ANP32B: variants seen among roughly 807,000 people sequenced by gnomAD.
ANP32B encodes the protein acidic nuclear phosphoprotein 32 family member B, also known as acidic leucine-rich nuclear phosphoprotein 32 family member B.
Under a neutral mutation model 32.2 loss-of-function variants are expected in ANP32B, and 6 were observed. That is an observed-to-expected ratio of 0.19 (90% confidence interval 0.10 to 0.37). The LOEUF (loss-of-function observed/expected upper bound fraction) is 0.37. Ranked by LOEUF, ANP32B falls within the 10% of genes least tolerant of loss-of-function variation. ANP32B has a pLI of 1.00. For synonymous variants in ANP32B, 98 were observed against 105.8 expected (o/e 0.93, Z 0.45); for missense variants, 204 against 289.2 (o/e 0.71, Z 2.14).
intron 1 of ANP32B, among the ~76,000 whole-genome samples, chr9:97,984,000 G>A (rs1475725891): frequency 1.3e-5 from 2 of 150,524 alleles, no homozygotes; most frequent in African/African-American, 2.4e-5. Flanking sequence ...GGCCTGCCGA[G>A]GAGCTGCGCG....
At chr9:98,013,855 CA>C (rs879719430) in intron 6 of ANP32B, among the ~76,000 whole-genome samples, 216 of 140,550 alleles carry the variant, frequency 1.5e-3, no homozygotes, top group South Asian at 4.2e-3. Context: ...GACTCTGTCT[CA>C]AAAAAAAAAA....
At chr9:97,984,310 C>T (rs996268460) in intron 1 of ANP32B, among the ~76,000 whole-genome samples, 1 of 151,224 alleles carries the variant, frequency 6.6e-6, no homozygotes, top group African/African-American at 2.4e-5. Flanking sequence ...GAAAAAAGGA[C>T]GTGGTTCCCG....
chr9:97,983,489 G>C lies in ANP32B; in HGVS notation c.-67G>C. On this transcript the variant is annotated 5_prime_UTR_variant, in exon 1 of 7. Coordinates refer to ENST00000339399, the MANE Select transcript of ANP32B (RefSeq NM_006401.3). ...TCCGACGGCCCTCGCTGCGCAAGCC[G>C]GGACGCCTCTCCCCCCTCCGCCCCC... is the stretch of plus-strand genomic sequence containing the variant. The C allele has an allele frequency of 1.4e-6, 2 of 1,411,974 alleles. No individual in the cohort carries two copies. The highest frequency in any genetic ancestry group is 1.9e-6 in the Non-Finnish European group (2 of 1,032,622). 87.5% of individuals were successfully genotyped at this position (1,411,974 alleles called of 1,614,324 possible).
At chr9:98,012,676 A>G (rs986284828) in intron 6 of ANP32B, among the ~76,000 whole-genome samples, 4 of 152,044 alleles carry the variant, frequency 2.6e-5, no homozygotes, top group African/African-American at 9.7e-5. Flanking sequence ...TTCCTGTCTC[A>G]TGGCAAGGGT....
intron 3 of ANP32B, among the ~76,000 whole-genome samples, chr9:98,002,951 C>T (rs1445595182): frequency 6.6e-6 from 1 of 152,194 alleles, no homozygotes; most frequent in Non-Finnish European, 1.5e-5. Flanking sequence ...AAAGCTGACT[C>T]TAGCTGGCAT....
Position 98,013,895 on chromosome 9 carries a change from C to G in ANP32B, c.688+1423C>G, listed in dbSNP as rs185046622. Among the ~76,000 whole-genome samples, 284 of 152,224 alleles carry G rather than the reference C, an allele frequency of 1.9e-3. 1 individual carries two copies. Among genetic ancestry groups the G allele is most frequent in the Admixed American group, 4.6e-3 (70 of 15,288 alleles). ...GTTAGCTGCACATGGTGGTGCACAC[C>G]TATAGTCCCAGCTACTTGGGAAGCT... On this transcript the variant is annotated intron_variant, in intron 6 of 6. Coordinates refer to ENST00000339399, the MANE Select transcript of ANP32B (RefSeq NM_006401.3).
Position 97,985,055 on chromosome 9 carries a change from C to A in ANP32B, c.54+1446C>A, listed in dbSNP as rs534735380. On this transcript the variant is annotated intron_variant, in intron 1 of 6. Transcript: ENST00000339399. ...GTCTCCCGGGTTTAGCGCGGCTGCC[C>A]GCCGTCGCGAGCCCCCCCCCCGCCG... Among the ~76,000 whole-genome samples the A allele has an allele frequency of 1.7e-4, 26 of 149,450 alleles. No individual in the cohort carries two copies. The East Asian group carries it at 4.0e-3, about 23-fold the overall frequency.
intron 1 of ANP32B, among the ~76,000 whole-genome samples, chr9:97,989,978 G>A (rs898529141): frequency 6.6e-6 from 1 of 152,230 alleles, no homozygotes; most frequent in Non-Finnish European, 1.5e-5. Flanking sequence ...CTGTTCCCAG[G>A]AGAGAGGCCA....
In ANP32B at chr9:98,011,365, G is replaced by T; in HGVS notation, c.612G>T (p.Glu204Asp). The T allele has an allele frequency of 6.4e-7, 1 of 1,571,616 alleles. No homozygotes were observed. Among genetic ancestry groups the T allele is most frequent in the Non-Finnish European group, 8.7e-7 (1 of 1,154,546 alleles). Residue 204 changes from glutamate (E) to aspartate (D), a missense_variant, in exon 5 of 7, where the codon GAG becomes GAT. Physicochemically the swap from Glu to Asp is conservative, Grantham distance 45 (BLOSUM62 2). Transcript: ENST00000339399. Reference sequence around the variant, plus strand: ...AAGATGAAGATGTAGAAGGGGATGAGGACGACGATGAAGTCAGTGAGGAGG... The same window carrying T: ...AAGATGAAGATGTAGAAGGGGATGATGACGACGATGAAGTCAGTGAGGAGG... Reference protein sequence around the residue: ...DDEDEDVEGDEDDDEVSEEEE... With the variant: ...DDEDEDVEGDDDDDEVSEEEE...
chr9:97,983,389 G>GGGGCTCCGC lies in ANP32B; in HGVS notation c.-166_-158dup. On this transcript the variant is annotated 5_prime_UTR_variant, in exon 1 of 7. Coordinates refer to ENST00000339399, the MANE Select transcript of ANP32B (RefSeq NM_006401.3). The stretch of plus-strand genomic sequence containing the variant: ...CGCTCCCGTGAGTAACTTGGCTCCG[G>GGGGCTCCGC]GGGCTCCGCTCGCCTGCCCGCACGC... 2 of 574,688 alleles carry GGGGCTCCGC rather than the reference G, an allele frequency of 3.5e-6. No homozygotes were observed. Among genetic ancestry groups the GGGGCTCCGC allele is most frequent in the Non-Finnish European group, 6.1e-6 (2 of 326,182 alleles). 35.6% of individuals were successfully genotyped at this position (574,688 alleles called of 1,614,324 possible).
At chr9:97,990,814 C>CTTTTTTTT (rs34489949) in intron 1 of ANP32B, among the ~76,000 whole-genome samples, 2 of 98,870 alleles carry the variant, frequency 2.0e-5, no homozygotes, top group Admixed American at 1.2e-4. Context: ...ACAGTTGAAC[C>CTTTTTTTT]TTTTTTTTTT....
chr9:97,992,621 C>CTT (rs1372761674), intron 1 of ANP32B, among the ~76,000 whole-genome samples: 1 of 152,186 alleles, frequency 6.6e-6, no homozygotes, highest in African/African-American at 2.4e-5. Flanking sequence ...TATAGAAACT[C>CTT]TCCCAAGCTA....
intron 1 of ANP32B, among the ~76,000 whole-genome samples, chr9:97,984,149 CGAG>C (rs1437388103): frequency 1.3e-5 from 2 of 149,786 alleles, no homozygotes; most frequent in Non-Finnish European, 3.0e-5. Flanking sequence ...AGTCGTGGGG[CGAG>C]GAGGGGGCTT....
intron 3 of ANP32B, among the ~76,000 whole-genome samples, chr9:98,004,414 C>T (rs1828044006): frequency 6.6e-6 from 1 of 152,186 alleles, no homozygotes; most frequent in Non-Finnish European, 1.5e-5. Context: ...CATATTGACT[C>T]CTGTCTTCCC....
intron 3 of ANP32B, among the ~76,000 whole-genome samples, chr9:98,001,453 A>G (rs918566544): frequency 2.6e-5 from 4 of 152,036 alleles, no homozygotes; most frequent in African/African-American, 9.7e-5. Context: ...CAGCCTCCCA[A>G]AGCGCTGGGA....
intron 4 of ANP32B, among the ~76,000 whole-genome samples, chr9:98,010,890 G>T (rs1201848376): frequency 1.3e-5 from 2 of 151,940 alleles, no homozygotes; most frequent in Non-Finnish European, 2.9e-5. Flanking sequence ...CAGTGACAAA[G>T]GGTAAAAATA....
intron 1 of ANP32B, among the ~76,000 whole-genome samples, chr9:97,989,696 C>T (rs1189872250): frequency 6.6e-6 from 1 of 152,134 alleles, no homozygotes; most frequent in Non-Finnish European, 1.5e-5. Flanking sequence ...ACCCCAGCTC[C>T]ACTCACTGTC....
chr9:97,997,765 A>AT (rs1307602864), intron 2 of ANP32B, among the ~76,000 whole-genome samples: 2 of 152,230 alleles, frequency 1.3e-5, no homozygotes, highest in Admixed American at 6.5e-5. Context: ...TCTTGTTTGC[A>AT]AAAGGAAGAG....
intron 2 of ANP32B, among the ~76,000 whole-genome samples, chr9:97,996,843 G>A (rs1465943371): frequency 2.0e-5 from 3 of 151,758 alleles, no homozygotes; most frequent in Admixed American, 6.6e-5. Flanking sequence ...CAGGTGATCA[G>A]CCCACCTCGG....
Sources: allele counts gnomAD v4.1 joint callset (sites outside exome capture counted in the v4.1 genomes callset), GRCh38; gene constraint gnomAD v4.1.1; transcripts MANE v1.5; gene names NCBI Gene and HGNC (gene_info 2026-07-23, HGNC 2026-07-21).